Variants in APBB2 observed in about 807,000 individuals in gnomAD.
APBB2 encodes the protein Fe65-like 1.
APBB2 carries 38 observed loss-of-function variants against 82.5 expected under a neutral mutation model. That is an observed-to-expected ratio of 0.46 (90% CI 0.36 to 0.60). The LOEUF is 0.60. Ranked by LOEUF, APBB2 falls within the 20% of genes least tolerant of loss-of-function variation. The pLI is 0.00. For synonymous variants in APBB2, 341 were observed against 368.2 expected (o/e 0.93, Z 0.85); for missense variants, 772 against 972.3 (o/e 0.79, Z 2.74).
intron 4 of APBB2, among the ~76,000 whole-genome samples, chr4:41,057,749 T>C (rs997732539): frequency 1.3e-5 from 2 of 152,238 alleles, no homozygotes; most frequent in Non-Finnish European, 2.9e-5. Context: ...GTCCTTTTGC[T>C]TTGGTTTCAA....
intron 3 of APBB2, among the ~76,000 whole-genome samples, chr4:41,072,697 C>T (rs925962626): frequency 2.4e-4 from 37 of 152,236 alleles, no homozygotes; most frequent in Admixed American, 3.9e-4. Context: ...AAAACCTGCC[C>T]GGAGCGTGTT....
At chr4:40,928,663 A>G (rs914918786) in intron 10 of APBB2, among the ~76,000 whole-genome samples, 9 of 151,982 alleles carry the variant, frequency 5.9e-5, no homozygotes, top group African/African-American at 4.8e-5. Flanking sequence ...AGGCGGATAG[A>G]TCACTTGAGA....
chr4:41,048,780 C>G (rs1211307369), intron 4 of APBB2, among the ~76,000 whole-genome samples: 1 of 152,058 alleles, frequency 6.6e-6, no homozygotes, highest in Non-Finnish European at 1.5e-5. Flanking sequence ...CTGCCTGATT[C>G]TCCTGCCTCA....
Position 40,815,645 on chromosome 4 carries a change from T to G in APBB2, c.*447A>C, listed in dbSNP as rs1745397448. 6.2e-6 allele frequency: 1 copy of G among 162,404 alleles called. No individual in the cohort carries two copies. Among genetic ancestry groups the G allele is most frequent in the Admixed American group, 5.8e-5 (1 of 17,154 alleles). The allele number at this position is 162,404 out of a possible 1,614,324, so 10.1% of individuals were successfully genotyped here. On this transcript the variant is annotated 3_prime_UTR_variant, in exon 18 of 18. Transcript: ENST00000508593. ...TACAGCAATTCAATGGTATCTGCTA[T>G]GCAGTGCCTACTCCAATGTTGAAAA...
At chr4:41,165,787 G>T (rs913162780) in intron 1 of APBB2, among the ~76,000 whole-genome samples, 1 of 151,536 alleles carries the variant, frequency 6.6e-6, no homozygotes, top group Non-Finnish European at 1.5e-5. Flanking sequence ...TCGCCCAGTA[G>T]ATAAGACACT....
At chr4:41,111,513 G>A (rs1352831700) in intron 2 of APBB2, among the ~76,000 whole-genome samples, 1 of 152,194 alleles carries the variant, frequency 6.6e-6, no homozygotes, top group East Asian at 1.9e-4. Flanking sequence ...TATATAACAT[G>A]TAGATTGAAA....
At chr4:40,825,686 C>G (rs1749668837) in intron 15 of APBB2, 1 of 553,602 alleles carries the variant, frequency 1.8e-6, no homozygotes, top group Non-Finnish European at 3.3e-6. Context: ...CTGGGGATGA[C>G]AGGTCAAAGC....
intron 10 of APBB2, among the ~76,000 whole-genome samples, chr4:40,930,438 TGTGTGTGTGTGCGCGC>T (rs1425868124): frequency 0.016 from 686 of 41,920 alleles, 3 homozygotes; most frequent in Non-Finnish European, 0.023. Flanking sequence ...TGTGTGTGTG[TGTGTGTGTGTGCGCGC>T]GCGCGCGCGC....
At chr4:41,022,934 T>A (rs951149) in intron 5 of APBB2, among the ~76,000 whole-genome samples, 1 of 151,890 alleles carries the variant, frequency 6.6e-6, no homozygotes, top group South Asian at 2.1e-4. Flanking sequence ...AGAGAAAGGG[T>A]GATCAATGAT....
intron 10 of APBB2, among the ~76,000 whole-genome samples, chr4:40,930,442 T>C (rs1488029733): frequency 4.1e-5 from 3 of 73,786 alleles, no homozygotes; most frequent in African/African-American, 1.5e-4. Context: ...TGTGTGTGTG[T>C]GTGTGTGCGC....
intron 12 of APBB2, among the ~76,000 whole-genome samples, chr4:40,853,334 C>A (rs930770414): frequency 6.6e-6 from 1 of 151,882 alleles, no homozygotes; most frequent in Non-Finnish European, 1.5e-5. Flanking sequence ...TCATGGCAAA[C>A]CTTTAAGCAC....
In APBB2 at chr4:40,824,494, C is replaced by G. The variant is rs1051193384; in HGVS notation, c.1817-735G>C. ...CACAGAGCGCACCCATCACCATCAT[C>G]AATTTTTTTTTGAGACAGGGTGTTG... is the stretch of plus-strand genomic sequence containing the variant. On this transcript the variant is annotated intron_variant, in intron 15 of 17. Coordinates refer to ENST00000508593, the MANE Select transcript of APBB2 (RefSeq NM_004307.2). Among the ~76,000 whole-genome samples, 5 of 152,194 alleles carry G rather than the reference C, an allele frequency of 3.3e-5. No homozygotes were observed. In the South Asian group the frequency reaches 8.3e-4, roughly 25 times the overall value.
intron 4 of APBB2, among the ~76,000 whole-genome samples, chr4:41,060,544 G>A (rs1579661367): frequency 6.6e-6 from 1 of 152,126 alleles, no homozygotes; most frequent in African/African-American, 2.4e-5. Flanking sequence ...AGCAACTACC[G>A]TAGATATAAT....
At chr4:40,928,933 T>C (rs776604654) in intron 10 of APBB2, among the ~76,000 whole-genome samples, 1 of 149,458 alleles carries the variant, frequency 6.7e-6, no homozygotes, top group Non-Finnish European at 1.5e-5. Flanking sequence ...AATACATGCA[T>C]AGAGACTAAA....
At chr4:40,964,453 A>AGCTAGATGACACATT (rs1560400582) in intron 6 of APBB2, among the ~76,000 whole-genome samples, 5 of 144,036 alleles carry the variant, frequency 3.5e-5, no homozygotes, top group African/African-American at 1.3e-4. Flanking sequence ...TAAGATAAAC[A>AGCTAGATGACACATT]AATCATTTTT....
intron 3 of APBB2, among the ~76,000 whole-genome samples, chr4:41,091,175 T>C (rs1011532444): frequency 1.4e-4 from 22 of 152,078 alleles, no homozygotes; most frequent in Admixed American, 1.1e-3. Flanking sequence ...CCAATCAGAG[T>C]TGTACTAGGC....
intron 12 of APBB2, among the ~76,000 whole-genome samples, chr4:40,845,761 A>G (rs897482914): frequency 1.3e-5 from 2 of 152,032 alleles, no homozygotes; most frequent in African/African-American, 4.8e-5. Context: ...ACTTGCCAGT[A>G]GACTTCTCAC....
intron 1 of APBB2, among the ~76,000 whole-genome samples, chr4:41,159,971 A>G (rs1764597238): frequency 1.0e-5 from 1 of 98,752 alleles, no homozygotes; most frequent in African/African-American, 4.0e-5. Context: ...GAGAAGAAGA[A>G]GAAGAAGAAG....
At chr4:40,836,311 T>C (rs1298530915) in intron 12 of APBB2, among the ~76,000 whole-genome samples, 1 of 152,158 alleles carries the variant, frequency 6.6e-6, no homozygotes, top group Non-Finnish European at 1.5e-5. Flanking sequence ...ACACCATCTC[T>C]ACTAAAAATA....
Sources: gnomAD v4.1 joint callset for allele counts (sites outside exome capture counted in the v4.1 genomes callset) on GRCh38, gnomAD v4.1.1 for gene constraint, MANE v1.5 for transcripts, NCBI Gene and HGNC (gene_info 2026-07-23, HGNC 2026-07-21) for gene names.